Variants in OSBPL3 observed in about 807,000 individuals in gnomAD.
OSBPL3 encodes oxysterol-binding protein-related protein 3.
A neutral mutation model predicts 120.1 loss-of-function variants in OSBPL3; 65 were observed. The observed-to-expected ratio is 0.54, with a 90% CI of 0.44 to 0.67. The LOEUF is 0.67. Ranked by LOEUF, OSBPL3 falls within the 30% of genes least tolerant of loss-of-function variation. OSBPL3 has a pLI of 0.00. For missense variants in OSBPL3, 1,004 were observed against 1,082.1 expected (o/e 0.93, Z 1.01); for synonymous variants, 416 against 402.6 (o/e 1.03, Z -0.40).
intron 1 of OSBPL3, among the ~76,000 whole-genome samples, chr7:24,909,640 G>A (rs1193551047): frequency 2.6e-5 from 4 of 152,028 alleles, no homozygotes; most frequent in African/African-American, 7.2e-5. Context: ...AGGAACCTTA[G>A]GTCACCTCTG....
At position 24,912,748 on chromosome 7, in the gene OSBPL3, C is replaced by T. The variant is rs900230665; in HGVS notation, c.-149-20127G>A. On this transcript the variant is annotated intron_variant, in intron 1 of 22. Transcript: ENST00000313367. The surrounding 1 kb of genome is among the most constrained non-coding windows in gnomAD (Gnocchi z 4.5). ...AAAGACGACCATACCAATGTACATC[C>T]CATCCCACATGCTCCTCTAACAAAG... Among the ~76,000 whole-genome samples, 11 of 152,210 alleles carry T rather than the reference C, an allele frequency of 7.2e-5. No homozygotes were observed. Among genetic ancestry groups the T allele is most frequent in the African/African-American group, 2.7e-4 (11 of 41,458 alleles).
At chr7:24,977,918 T>C (rs1055283262) in intron 1 of OSBPL3, among the ~76,000 whole-genome samples, 8 of 152,246 alleles carry the variant, frequency 5.3e-5, no homozygotes, top group Admixed American at 4.6e-4. Flanking sequence ...TGGCTTATGA[T>C]GTAACTATTA....
At chr7:24,977,742 G>A (rs1383586934) in intron 1 of OSBPL3, among the ~76,000 whole-genome samples, 1 of 152,196 alleles carries the variant, frequency 6.6e-6, no homozygotes, top group Non-Finnish European at 1.5e-5. Flanking sequence ...TGTAGTCCCA[G>A]CCACCCGGGA....
At chr7:24,969,604 T>C (rs564680424) in intron 1 of OSBPL3, among the ~76,000 whole-genome samples, 126 of 152,340 alleles carry the variant, frequency 8.3e-4, no homozygotes, top group African/African-American at 2.5e-3. Flanking sequence ...TTGATCCATG[T>C]GGAATTTATT....
At chr7:24,931,414 TG>T (rs1484182091) in intron 1 of OSBPL3, among the ~76,000 whole-genome samples, 1 of 152,128 alleles carries the variant, frequency 6.6e-6, no homozygotes, top group Admixed American at 6.5e-5. Flanking sequence ...TGGATTGTCC[TG>T]GGAGGTCTGA....
chr7:24,886,347 A>C (rs977353807), intron 2 of OSBPL3, among the ~76,000 whole-genome samples: 15 of 152,230 alleles, frequency 9.9e-5, no homozygotes, highest in African/African-American at 3.6e-4. Context: ...CAGACGTTCA[A>C]TAGAGTAGTT....
In OSBPL3 at chr7:24,832,808, A is replaced by G. The variant is rs537236844; in HGVS notation, c.1746+1678T>C. Among the ~76,000 whole-genome samples the G allele has an allele frequency of 2.0e-5, 3 of 152,304 alleles. No homozygotes were observed. In the East Asian group the frequency reaches 5.8e-4, roughly 29 times the overall value. On this transcript the variant is annotated intron_variant, in intron 15 of 22. Coordinates refer to ENST00000313367, the MANE Select transcript of OSBPL3 (RefSeq NM_015550.4). Reference sequence around the variant, plus strand: ...AGCACTCTCCCTGTGGGTTGGTGGCATGAGGGAGAGTCCAGGCAGGGGCAT... The same window carrying G: ...AGCACTCTCCCTGTGGGTTGGTGGCGTGAGGGAGAGTCCAGGCAGGGGCAT...
rs1268851146 is a variant in OSBPL3 at position 24,955,161 on chromosome 7, C to T, written c.-150+24725G>A. On this transcript the variant is annotated intron_variant, in intron 1 of 22. Transcript: ENST00000313367. This position sits in a 1 kb window ranked among gnomAD's most constrained non-coding sequence, Gnocchi z 4.3. ...ACCAACATTTGAACAGTGTCTGGCA[C>T]ATAACAGACTTCCAAAAAATTATTT... is the stretch of plus-strand genomic sequence containing the variant. 6.6e-6 allele frequency among the ~76,000 whole-genome samples: 1 copy of T among 152,192 alleles called. No individual in the cohort carries two copies. Among genetic ancestry groups the T allele is most frequent in the East Asian group, 1.9e-4 (1 of 5,200 alleles).
intron 1 of OSBPL3, among the ~76,000 whole-genome samples, chr7:24,935,933 G>A (rs970728104): frequency 3.3e-5 from 5 of 151,816 alleles, no homozygotes; most frequent in Admixed American, 6.6e-5. Context: ...TGCACAATGT[G>A]CAGGTTAGTT....
At chr7:24,858,327 C>G (rs574826562) in intron 10 of OSBPL3, among the ~76,000 whole-genome samples, 5 of 152,230 alleles carry the variant, frequency 3.3e-5, no homozygotes, top group Non-Finnish European at 4.4e-5. Context: ...CGAGAAAGTA[C>G]AATAGATACT....
chr7:24,855,373 A>G lies in OSBPL3; in HGVS notation c.1028-2739T>C, dbSNP rs1218900141. ...AAACAAGGCTTTCCACCAAATGAGA[A>G]GAGTCCTACATAAATTTTAAAAACT... On this transcript the variant is annotated intron_variant, in intron 10 of 22. Transcript: ENST00000313367. This position sits in a 1 kb window ranked among gnomAD's most constrained non-coding sequence, Gnocchi z 4.3. Among the ~76,000 whole-genome samples the G allele has an allele frequency of 6.6e-6, 1 of 152,240 alleles. No individual in the cohort carries two copies. The highest frequency in any genetic ancestry group is 1.5e-5 in the Non-Finnish European group (1 of 68,044).
chr7:24,949,360 A>G (rs1460483385), intron 1 of OSBPL3, among the ~76,000 whole-genome samples: 2 of 152,210 alleles, frequency 1.3e-5, no homozygotes, highest in Non-Finnish European at 2.9e-5. Flanking sequence ...TTTAACAGCC[A>G]TCATAGTTTA....
rs1194293107 is a variant in OSBPL3, at chr7:24,917,399, A to ATAT, written c.-149-24779_-149-24778insATA. ...ATTTGTAACATATATATATATTTGTAACATATATATATATATATATATATA... is the reference window on the plus strand; with the variant it reads ...ATTTGTAACATATATATATATTTGTATATACATATATATATATATATATATATA... On this transcript the variant is annotated intron_variant, in intron 1 of 22. Coordinates refer to ENST00000313367, the MANE Select transcript of OSBPL3 (RefSeq NM_015550.4). 1.0e-3 allele frequency among the ~76,000 whole-genome samples: 43 copies of ATAT among 42,962 alleles called. 1 individual carries two copies. The highest frequency in any genetic ancestry group is 3.9e-3 in the African/African-American group (38 of 9,750). 28.2% of individuals were successfully genotyped at this position (42,962 alleles called of 152,430 possible).
At chr7:24,839,373 T>C (rs1282954619) in intron 14 of OSBPL3, among the ~76,000 whole-genome samples, 1 of 152,104 alleles carries the variant, frequency 6.6e-6, no homozygotes, top group Non-Finnish European at 1.5e-5. Context: ...AAATCAGAGC[T>C]GTTTGGGGGG....
chr7:24,821,840 T>C lies in OSBPL3; in HGVS notation c.1885-1602A>G, dbSNP rs1795166757. ...TTCAAGCACTGACTTAGAAACCTAA[T>C]CCCATAATGTAACTCTCTGATTTCC... On this transcript the variant is annotated intron_variant, in intron 16 of 22. Transcript: ENST00000313367. The surrounding 1 kb of genome is among the most constrained non-coding windows in gnomAD (Gnocchi z 5.5). Among the ~76,000 whole-genome samples the C allele has an allele frequency of 6.6e-6, 1 of 152,214 alleles. No homozygotes were observed.
At chr7:24,931,125 T>C (rs1267467308) in intron 1 of OSBPL3, among the ~76,000 whole-genome samples, 1 of 152,174 alleles carries the variant, frequency 6.6e-6, no homozygotes, top group African/African-American at 2.4e-5. Context: ...GAATAGGTCT[T>C]TTCTAAAAGG....
Position 24,955,769 on chromosome 7 carries a change from T to C in OSBPL3, c.-150+24117A>G, listed in dbSNP as rs1176358955. Among the ~76,000 whole-genome samples the C allele has an allele frequency of 6.6e-6, 1 of 152,234 alleles. No homozygotes were observed. The highest frequency in any genetic ancestry group is 2.4e-5 in the African/African-American group (1 of 41,460). On this transcript the variant is annotated intron_variant, in intron 1 of 22. Coordinates refer to ENST00000313367, the MANE Select transcript of OSBPL3 (RefSeq NM_015550.4). This position sits in a 1 kb window ranked among gnomAD's most constrained non-coding sequence, Gnocchi z 4.3. ...CCATGAGGGCAGGGACTTTGTTTGT[T>C]GTTGTATCCCCTGGACCCACAAGGG...
rs1458510449 is a variant in OSBPL3 at position 24,967,651 on chromosome 7, CA to C, written c.-150+12234del. 6.6e-6 allele frequency among the ~76,000 whole-genome samples: 1 copy of C among 152,186 alleles called. No homozygotes were observed. Among genetic ancestry groups the C allele is most frequent in the Non-Finnish European group, 1.5e-5 (1 of 68,036 alleles). ...CCATTATTATTATTTTATGGTCCTC[CA>C]ATCTTTGTGACTAGTTACCCTTCCC... On this transcript the variant is annotated intron_variant, in intron 1 of 22. Transcript: ENST00000313367. The surrounding 1 kb of genome is among the most constrained non-coding windows in gnomAD (Gnocchi z 5.6).
intron 1 of OSBPL3, among the ~76,000 whole-genome samples, chr7:24,948,077 A>G (rs751401113): frequency 2.0e-5 from 3 of 152,210 alleles, no homozygotes; most frequent in Non-Finnish European, 4.4e-5. Flanking sequence ...AAATCCCTTG[A>G]GCTGGAGCTA....
Sources: allele counts gnomAD v4.1 joint callset (sites outside exome capture counted in the v4.1 genomes callset), GRCh38; gene constraint gnomAD v4.1.1; non-coding constraint Gnocchi (gnomAD v3.1); transcripts MANE v1.5; gene names NCBI Gene and HGNC (gene_info 2026-07-23, HGNC 2026-07-21).